The following DCC variants were observed in gnomAD, a reference collection of about 807,000 sequenced individuals.
The protein encoded by DCC is DCC netrin 1 receptor.
DCC carries 58 observed loss-of-function variants against 172.5 expected under a neutral mutation model. The observed-to-expected ratio is 0.34, with a 90% CI of 0.27 to 0.42. The LOEUF (loss-of-function observed/expected upper bound fraction) is 0.42. Ranked by LOEUF, DCC falls within the 10% of genes least tolerant of loss-of-function variation. DCC has a pLI of 1.00. For synonymous variants in DCC, 709 were observed against 644.5 expected, an observed-to-expected ratio of 1.10 and a Z score of -1.52; for missense variants, 1,740 against 1,791.0, an observed-to-expected ratio of 0.97 and a Z score of 0.51.
intron 1 of DCC, among the ~76,000 whole-genome samples, chr18:52,598,866 G>T (rs36062849): frequency 1.3e-5 from 2 of 151,984 alleles, no homozygotes; most frequent in African/African-American, 4.8e-5. Flanking sequence ...CCAAGATGGC[G>T]CCTCAATGCT....
At chr18:52,846,987 T>C (rs1453675163) in intron 2 of DCC, among the ~76,000 whole-genome samples, 1 of 152,150 alleles carries the variant, frequency 6.6e-6, no homozygotes, top group African/African-American at 2.4e-5. Flanking sequence ...CTTCAATATG[T>C]AAGTGTTATG....
At chr18:52,858,900 C>G (rs920048743) in intron 2 of DCC, among the ~76,000 whole-genome samples, 46 of 152,252 alleles carry the variant, frequency 3.0e-4, no homozygotes, top group Middle Eastern at 3.4e-3. Flanking sequence ...CAAGGACTTT[C>G]CATGATTAAA....
chr18:53,209,181 C>T (rs1023626233), intron 11 of DCC, among the ~76,000 whole-genome samples: 1 of 152,094 alleles, frequency 6.6e-6, no homozygotes, highest in Non-Finnish European at 1.5e-5. Flanking sequence ...AAGAGAGGAA[C>T]AAATCTTAAT....
chr18:53,351,441 G>GTA (rs1261459950), intron 15 of DCC, among the ~76,000 whole-genome samples: 1 of 27,264 alleles, frequency 3.7e-5, no homozygotes, highest in African/African-American at 1.7e-4. Context: ...TATATATACA[G>GTA]TGTATATATA....
intron 2 of DCC, among the ~76,000 whole-genome samples, chr18:52,784,409 C>T (rs1487363171): frequency 6.6e-6 from 1 of 152,038 alleles, no homozygotes; most frequent in East Asian, 1.9e-4. Context: ...TACCGATTCC[C>T]TCTCCATTGG....
intron 2 of DCC, among the ~76,000 whole-genome samples, chr18:52,840,025 G>A (rs551238505): frequency 2.6e-5 from 4 of 152,108 alleles, no homozygotes; most frequent in African/African-American, 9.7e-5. Context: ...TATACGCAAG[G>A]TTTCTCGTTC....
chr18:52,653,246 C>T (rs555162721), intron 1 of DCC, among the ~76,000 whole-genome samples: 3 of 152,230 alleles, frequency 2.0e-5, no homozygotes, highest in South Asian at 2.1e-4. Context: ...ATATTTGTAA[C>T]TCTGACTCAA....
At chr18:52,869,846 C>T (rs746710805) in intron 2 of DCC, among the ~76,000 whole-genome samples, 5 of 152,170 alleles carry the variant, frequency 3.3e-5, no homozygotes, top group East Asian at 1.9e-4. Flanking sequence ...AGAGGCCAGA[C>T]GGAGAGAACA....
intron 2 of DCC, among the ~76,000 whole-genome samples, chr18:52,796,964 C>G (rs549316918): frequency 6.6e-6 from 1 of 151,494 alleles, no homozygotes; most frequent in South Asian, 2.1e-4. Flanking sequence ...AAATTTTGGT[C>G]ATTTTATGGC....
intron 15 of DCC, among the ~76,000 whole-genome samples, chr18:53,376,371 A>G (rs1196347761): frequency 2.6e-5 from 4 of 152,180 alleles, no homozygotes; most frequent in Non-Finnish European, 4.4e-5. Flanking sequence ...GCGAGTGAGC[A>G]AAACTGTGTC....
chr18:52,520,262 A>G (rs1379090230), intron 1 of DCC, among the ~76,000 whole-genome samples: 1 of 152,170 alleles, frequency 6.6e-6, no homozygotes, highest in South Asian at 2.1e-4. Flanking sequence ...GACATTTCCT[A>G]TGAATGGTCA....
chr18:53,415,052 A>T (rs951720167), intron 20 of DCC, among the ~76,000 whole-genome samples: 1 of 152,182 alleles, frequency 6.6e-6, no homozygotes, highest in East Asian at 1.9e-4. Flanking sequence ...ATCAATATCT[A>T]CGTATTTCAG....
chr18:52,549,647 G>C (rs1034354583), intron 1 of DCC, among the ~76,000 whole-genome samples: 10 of 152,042 alleles, frequency 6.6e-5, no homozygotes, highest in African/African-American at 2.2e-4. Context: ...ACATTCATTT[G>C]AATTGTTAAT....
At chr18:53,315,869 C>T (rs1216870773) in intron 13 of DCC, among the ~76,000 whole-genome samples, 4 of 152,010 alleles carry the variant, frequency 2.6e-5, no homozygotes, top group Non-Finnish European at 5.9e-5. Flanking sequence ...GATATTAGCC[C>T]TTTGTCAGAT....
intron 5 of DCC, among the ~76,000 whole-genome samples, chr18:52,954,210 A>G (rs959312989): frequency 2.0e-5 from 3 of 152,182 alleles, no homozygotes; most frequent in Admixed American, 2.0e-4. Flanking sequence ...CCCAAATACC[A>G]TGAGAATACT....
intron 15 of DCC, among the ~76,000 whole-genome samples, chr18:53,351,688 C>T (rs144859445): frequency 1.3e-3 from 201 of 150,940 alleles, no homozygotes; most frequent in Middle Eastern, 3.4e-3. Context: ...TAAATTCAAG[C>T]ATTCAAAGAA....
chr18:53,179,080 A>G lies in DCC; in HGVS notation c.1537A>G (p.Ser513Gly), dbSNP rs779455038. Residue 513 changes from serine to glycine, a missense_variant, in exon 9 of 29, where the codon AGT becomes GGT. Physicochemically the swap from Ser to Gly is moderately conservative, Grantham distance 56 (BLOSUM62 0). Coordinates refer to ENST00000442544, the MANE Select transcript of DCC (RefSeq NM_005215.4). ...VAYNEWGPGE[S>G]SQPIKVATQP... ...TTACAATGAATGGGGACCGGGAGAG[A>G]GTTCTCAACCCATCAAGGTGGCCAC... 3 of 1,613,992 alleles carry G rather than the reference A, an allele frequency of 1.9e-6. No individual in the cohort carries two copies. In the Admixed American group the frequency reaches 5.0e-5, roughly 27 times the overall value.
At chr18:52,485,533 G>C (rs2030177318) in intron 1 of DCC, among the ~76,000 whole-genome samples, 2 of 152,076 alleles carry the variant, frequency 1.3e-5, no homozygotes, top group South Asian at 4.1e-4. Flanking sequence ...ACATTTTTAT[G>C]CACTGTCTGG....
chr18:53,099,939 C>CTTTTTTTTT lies in DCC; in HGVS notation c.1261+33776_1261+33777insTTTTTTTTT, dbSNP rs200213348. ...AAGAGACTTTTCTTTTCTTTTCTTT[C>CTTTTTTTTT]TTTCTTTTTTTTTTTTTTTTTGTTT... is the stretch of plus-strand genomic sequence containing the variant. On this transcript the variant is annotated intron_variant, in intron 7 of 28. Coordinates refer to ENST00000442544, the MANE Select transcript of DCC (RefSeq NM_005215.4). Among the ~76,000 whole-genome samples, 457 of 87,046 alleles carry CTTTTTTTTT rather than the reference C, an allele frequency of 5.3e-3. 53 individuals carry two copies. Among genetic ancestry groups the CTTTTTTTTT allele is most frequent in the Middle Eastern group, 0.014 (2 of 142 alleles). The allele number at this position is 87,046 out of a possible 152,430, so 57.1% of individuals were successfully genotyped here.
Sources: gnomAD v4.1 joint callset for allele counts (sites outside exome capture counted in the v4.1 genomes callset) on GRCh38, gnomAD v4.1.1 for gene constraint, MANE v1.5 for transcripts, NCBI Gene and HGNC (gene_info 2026-07-23, HGNC 2026-07-21) for gene names.